The following NXPE2 variants were observed in gnomAD, a reference collection of about 807,000 sequenced individuals.
NXPE2 encodes the protein neurexophilin and PC-esterase domain family member 2, also known as NXPE family member 2.
Under a neutral mutation model 34.4 loss-of-function variants are expected in NXPE2, and 34 were observed. The ratio of observed to expected loss-of-function variants is 0.99; its 90% confidence interval spans 0.75 to 1.31. The LOEUF (loss-of-function observed/expected upper bound fraction) is 1.31, where lower values mean the gene tolerates loss of function less well. NXPE2 is among the 40% of genes most tolerant of loss of function. NXPE2 has a pLI of 0.00. For synonymous variants in NXPE2, 235 were observed against 231.3 expected (o/e 1.02, Z -0.15); for missense variants, 649 against 672.5 (o/e 0.97, Z 0.39).
the NXPE2 span, among the ~76,000 whole-genome samples, chr11:114,803,839 A>G: frequency 3.3e-5 from 5 of 151,956 alleles, no homozygotes; most frequent in Non-Finnish European, 7.4e-5. Context: ...CGGCCTCCCA[A>G]AATGCTGCGA....
the NXPE2 span, among the ~76,000 whole-genome samples, chr11:114,618,694 A>G: frequency 3.3e-5 from 5 of 152,148 alleles, no homozygotes; most frequent in East Asian, 9.7e-4. Flanking sequence ...ACTTGATAAT[A>G]AGTGCTGTGT....
At chr11:114,743,828 G>A in the NXPE2 span, among the ~76,000 whole-genome samples, 13 of 150,288 alleles carry the variant, frequency 8.7e-5, no homozygotes, top group Non-Finnish European at 1.5e-4. Context: ...TATATATATA[G>A]ATATATGTGT....
At chr11:114,511,961 T>C in the NXPE2 span, among the ~76,000 whole-genome samples, 4 of 152,316 alleles carry the variant, frequency 2.6e-5, no homozygotes, top group African/African-American at 9.6e-5. Context: ...TGAACCTCTT[T>C]CCTTTACAAA....
the NXPE2 span, among the ~76,000 whole-genome samples, chr11:114,501,522 T>C: frequency 5.5e-4 from 84 of 152,332 alleles, 2 homozygotes; most frequent in East Asian, 0.016. Context: ...TTATGGTTAT[T>C]GTAGTATATT....
the NXPE2 span, among the ~76,000 whole-genome samples, chr11:114,532,114 T>G: frequency 6.6e-6 from 1 of 152,124 alleles, no homozygotes; most frequent in Non-Finnish European, 1.5e-5. Context: ...TGAAAAAAAT[T>G]CAGGCCTGGC....
the NXPE2 span, among the ~76,000 whole-genome samples, chr11:114,643,996 T>C: frequency 6.6e-6 from 1 of 152,184 alleles, no homozygotes; most frequent in Non-Finnish European, 1.5e-5. Flanking sequence ...TTAAGTTGTA[T>C]TGCTAGGCAT....
the NXPE2 span, among the ~76,000 whole-genome samples, chr11:114,525,686 G>A: frequency 3.9e-5 from 6 of 152,162 alleles, no homozygotes; most frequent in Non-Finnish European, 7.3e-5. Flanking sequence ...GGCTTGAGTT[G>A]TAAAACCTGT....
chr11:114,611,241 T>C, the NXPE2 span, among the ~76,000 whole-genome samples: 39 of 151,768 alleles, frequency 2.6e-4, no homozygotes, highest in African/African-American at 8.9e-4. Flanking sequence ...ATCCAGTCAA[T>C]AATAGGTATT....
Position 114,678,553 on chromosome 11 carries a change from A to G in NXPE2, c.-23A>G, listed in dbSNP as rs1047797294. The G allele has an allele frequency of 2.2e-5, 34 of 1,540,898 alleles. No homozygotes were observed. In the East Asian group the frequency reaches 5.1e-4, roughly 23 times the overall value. On this transcript the variant is annotated 5_prime_UTR_variant, in exon 1 of 6. In the 5' UTR this introduces an upstream ATG that the reference lacks. Transcript: ENST00000389586. ...ATCAAGGAGAGTCTCTGGACACTATAATTCCTGTGAGAACACGAGAAGATG... is the reference window on the plus strand; with the variant it reads ...ATCAAGGAGAGTCTCTGGACACTATGATTCCTGTGAGAACACGAGAAGATG...
the NXPE2 span, among the ~76,000 whole-genome samples, chr11:114,772,517 G>A: frequency 0.12 from 18,086 of 152,080 alleles, 1,169 homozygotes; most frequent in Middle Eastern, 0.19. Context: ...GATGTTCTGG[G>A]TGTCTAGGGT....
the NXPE2 span, among the ~76,000 whole-genome samples, chr11:114,610,319 C>A: frequency 6.6e-6 from 1 of 151,184 alleles, no homozygotes; most frequent in South Asian, 2.1e-4. Context: ...CCACTGTTAT[C>A]CGGTGAATAA....
the NXPE2 span, among the ~76,000 whole-genome samples, chr11:114,779,930 G>C: frequency 1.3e-5 from 2 of 151,996 alleles, no homozygotes; most frequent in Non-Finnish European, 2.9e-5. Flanking sequence ...CCAATTTCTC[G>C]TGAAAACACT....
the NXPE2 span, among the ~76,000 whole-genome samples, chr11:114,804,888 T>C: frequency 6.6e-6 from 1 of 152,208 alleles, no homozygotes; most frequent in African/African-American, 2.4e-5. Flanking sequence ...CCACACTCTG[T>C]AGACTACTAT....
the NXPE2 span, among the ~76,000 whole-genome samples, chr11:114,761,028 C>T: frequency 1.3e-5 from 2 of 152,184 alleles, no homozygotes; most frequent in African/African-American, 4.8e-5. Flanking sequence ...ATTTGAAGGA[C>T]ACCTATTTTC....
At chr11:114,668,287 C>A in the NXPE2 span, among the ~76,000 whole-genome samples, 1 of 151,926 alleles carries the variant, frequency 6.6e-6, no homozygotes, top group African/African-American at 2.4e-5. Flanking sequence ...AAGGGACAGG[C>A]TCCTGCTTGT....
chr11:114,581,000 G>C, the NXPE2 span, among the ~76,000 whole-genome samples: 1 of 152,184 alleles, frequency 6.6e-6, no homozygotes, highest in Admixed American at 6.5e-5. Context: ...ATTTTAATAA[G>C]TGGGATGAGT....
At chr11:114,518,601 G>C in the NXPE2 span, among the ~76,000 whole-genome samples, 1 of 152,178 alleles carries the variant, frequency 6.6e-6, no homozygotes, top group East Asian at 1.9e-4. Flanking sequence ...ATAGAAGGGG[G>C]AATTGAGAAA....
At chr11:114,779,460 G>A in the NXPE2 span, among the ~76,000 whole-genome samples, 2 of 152,168 alleles carry the variant, frequency 1.3e-5, no homozygotes, top group Non-Finnish European at 2.9e-5. Flanking sequence ...ATGGGGTAGT[G>A]GGTGCCAGGA....
the NXPE2 span, among the ~76,000 whole-genome samples, chr11:114,528,562 T>G: frequency 2.6e-5 from 4 of 152,368 alleles, no homozygotes; most frequent in East Asian, 3.9e-4. Context: ...CACTGCTGTA[T>G]CCTTAATATC....
Sources: gnomAD v4.1 joint callset for allele counts (sites outside exome capture counted in the v4.1 genomes callset) on GRCh38, gnomAD v4.1.1 for gene constraint, MANE v1.5 for transcripts, NCBI Gene and HGNC (gene_info 2026-07-23, HGNC 2026-07-21) for gene names.